CNTN5: variants seen among roughly 807,000 people sequenced by gnomAD.
The protein encoded by CNTN5 is contactin 5.
Under a neutral mutation model 129.1 loss-of-function variants are expected in CNTN5, and 77 were observed. That is an observed-to-expected ratio of 0.60 (90% CI 0.50 to 0.72). The LOEUF (loss-of-function observed/expected upper bound fraction) is 0.72. CNTN5 is among the 30% of genes least tolerant of loss of function. The pLI, the probability that CNTN5 is intolerant of heterozygous loss-of-function variation, is 0.00. For synonymous variants in CNTN5, 509 were observed against 465.6 expected, an observed-to-expected ratio of 1.09 and a Z score of -1.20; for missense variants, 1,478 against 1,328.8, an observed-to-expected ratio of 1.11 and a Z score of -1.75.
intron 1 of CNTN5, among the ~76,000 whole-genome samples, chr11:99,076,505 G>T (rs1865583112): frequency 6.6e-6 from 1 of 151,924 alleles, no homozygotes; most frequent in African/African-American, 2.4e-5. Flanking sequence ...CCTAAATGTG[G>T]TAATAACTGA....
intron 1 of CNTN5, among the ~76,000 whole-genome samples, chr11:99,157,418 T>C (rs1176820811): frequency 1.3e-5 from 2 of 152,114 alleles, no homozygotes; most frequent in Non-Finnish European, 2.9e-5. Context: ...CACAGCAATT[T>C]TTATTAGTGT....
chr11:99,708,423 ACAGT>A (rs144545106), intron 3 of CNTN5, among the ~76,000 whole-genome samples: 205 of 151,886 alleles, frequency 1.3e-3, no homozygotes, highest in African/African-American at 4.8e-3. Context: ...TTGTAATGTC[ACAGT>A]CAATCAGTCA....
chr11:99,920,651 T>C (rs1949913933), intron 7 of CNTN5, among the ~76,000 whole-genome samples: 1 of 152,170 alleles, frequency 6.6e-6, no homozygotes. Flanking sequence ...ATCAGTAATT[T>C]TACTGGTGTC....
chr11:99,888,120 C>G (rs1047703479), intron 6 of CNTN5, among the ~76,000 whole-genome samples: 1 of 152,132 alleles, frequency 6.6e-6, no homozygotes, highest in East Asian at 1.9e-4. Context: ...GTATATAGCA[C>G]TGAACACAGT....
At chr11:99,460,830 A>G (rs1234244084) in intron 2 of CNTN5, among the ~76,000 whole-genome samples, 1 of 152,060 alleles carries the variant, frequency 6.6e-6, no homozygotes, top group African/African-American at 2.4e-5. Context: ...TCAATTTCTT[A>G]CATAGTAAAA....
chr11:99,864,386 T>C (rs1948299312), intron 6 of CNTN5, among the ~76,000 whole-genome samples: 1 of 152,130 alleles, frequency 6.6e-6, no homozygotes, highest in African/African-American at 2.4e-5. Flanking sequence ...CTCTCTGCTA[T>C]CGTCCTGCAG....
At chr11:99,532,249 G>A (rs895829146) in intron 2 of CNTN5, among the ~76,000 whole-genome samples, 2 of 152,126 alleles carry the variant, frequency 1.3e-5, no homozygotes. Flanking sequence ...GGACTTGCAT[G>A]GGCCCTGTAA....
chr11:100,277,999 TAA>T (rs1229370931), intron 18 of CNTN5, among the ~76,000 whole-genome samples: 1 of 152,188 alleles, frequency 6.6e-6, no homozygotes, highest in South Asian at 2.1e-4. Flanking sequence ...TGGCAAGGTA[TAA>T]GAGTCTAGTT....
intron 3 of CNTN5, among the ~76,000 whole-genome samples, chr11:99,655,249 G>A (rs1356367383): frequency 4.6e-5 from 7 of 152,112 alleles, no homozygotes; most frequent in East Asian, 3.8e-4. Flanking sequence ...CAAGCCTAAT[G>A]TCAGAAATCC....
At position 99,087,917 on chromosome 11, in the gene CNTN5, T is replaced by C. The variant is rs543121092; in HGVS notation, c.-210+66647T>C. On this transcript the variant is annotated intron_variant, in intron 1 of 24. Coordinates refer to ENST00000524871, the MANE Select transcript of CNTN5 (RefSeq NM_014361.4). Reference sequence around the variant, plus strand: ...CCTATGTGGCCACAGAGTCCCATGGTCAGAAGGGCCAAATGCTTAGCCTAA... The same window carrying C: ...CCTATGTGGCCACAGAGTCCCATGGCCAGAAGGGCCAAATGCTTAGCCTAA... Among the ~76,000 whole-genome samples, 4 of 152,334 alleles carry C rather than the reference T, an allele frequency of 2.6e-5. No homozygotes were observed. In the South Asian group the frequency reaches 8.3e-4, roughly 32 times the overall value.
chr11:99,293,330 A>G (rs1256821785), intron 1 of CNTN5, among the ~76,000 whole-genome samples: 2 of 152,034 alleles, frequency 1.3e-5, no homozygotes, highest in East Asian at 1.9e-4. Context: ...ATTCACTTTT[A>G]TAGTATTTTG....
intron 16 of CNTN5, among the ~76,000 whole-genome samples, chr11:100,253,307 G>A (rs1381117296): frequency 1.3e-5 from 2 of 152,106 alleles, no homozygotes; most frequent in Non-Finnish European, 2.9e-5. Flanking sequence ...CCCTAGCAGA[G>A]TGATTTGAGC....
chr11:99,247,792 C>A (rs560478084), intron 1 of CNTN5, among the ~76,000 whole-genome samples: 4 of 152,220 alleles, frequency 2.6e-5, no homozygotes, highest in Non-Finnish European at 4.4e-5. Context: ...GACATGAACT[C>A]ATCATTTTTT....
At chr11:99,555,757 C>T (rs1948643988) in intron 2 of CNTN5, among the ~76,000 whole-genome samples, 1 of 151,760 alleles carries the variant, frequency 6.6e-6, no homozygotes, top group South Asian at 2.1e-4. Context: ...TGCTCTAGAC[C>T]AAAGGAGTAT....
At chr11:100,156,695 A>G (rs576265404) in intron 13 of CNTN5, among the ~76,000 whole-genome samples, 6 of 152,008 alleles carry the variant, frequency 3.9e-5, no homozygotes, top group Non-Finnish European at 5.9e-5. Flanking sequence ...TCAGGGATTC[A>G]ACTTCTTCCT....
At chr11:99,439,721 A>AAAAAAAAAAAAG (rs1565583472) in intron 2 of CNTN5, among the ~76,000 whole-genome samples, 1 of 145,652 alleles carries the variant, frequency 6.9e-6, no homozygotes. Flanking sequence ...AAAAAAAAAA[A>AAAAAAAAAAAAG]AAAAGAAAAA....
intron 3 of CNTN5, among the ~76,000 whole-genome samples, chr11:99,754,085 C>T (rs1469667990): frequency 2.6e-5 from 4 of 152,054 alleles, no homozygotes; most frequent in East Asian, 1.9e-4. Context: ...TCAGGGCTAT[C>T]GTTTAGGTCA....
chr11:99,958,344 A>G (rs1246948589), intron 8 of CNTN5, among the ~76,000 whole-genome samples: 1 of 152,252 alleles, frequency 6.6e-6, no homozygotes, highest in Non-Finnish European at 1.5e-5. Flanking sequence ...AGGCTAGCAT[A>G]CACAAATATT....
chr11:99,770,292 A>C (rs953403482), intron 3 of CNTN5, among the ~76,000 whole-genome samples: 14 of 152,148 alleles, frequency 9.2e-5, no homozygotes, highest in Admixed American at 2.0e-4. Context: ...AACTATACAA[A>C]GGTACATTCA....
Sources: gnomAD v4.1 joint callset for allele counts (sites outside exome capture counted in the v4.1 genomes callset) on GRCh38, gnomAD v4.1.1 for gene constraint, MANE v1.5 for transcripts, NCBI Gene and HGNC (gene_info 2026-07-23, HGNC 2026-07-21) for gene names.